The following TMEM63C variants were observed in gnomAD, a reference collection of about 807,000 sequenced individuals.
The protein encoded by TMEM63C is transmembrane protein 63C, also known as osmosensitive cation channel TMEM63C.
In TMEM63C, 32 loss-of-function variants were observed where a neutral mutation model predicts 99.2. The observed-to-expected ratio is 0.32, with a 90% CI of 0.24 to 0.43. The LOEUF is 0.43. Among genes scored for constraint, TMEM63C ranks in the 20% least tolerant of loss-of-function variants. The pLI is 1.00. For missense variants in TMEM63C, 826 were observed against 1,053.0 expected (o/e 0.78, Z 2.98); for synonymous variants, 376 against 397.9 (o/e 0.94, Z 0.66).
At chr14:77,253,903 C>G (rs1462024380) in intron 23 of TMEM63C, among the ~76,000 whole-genome samples, 1 of 152,128 alleles carries the variant, frequency 6.6e-6, no homozygotes, top group Admixed American at 6.5e-5. Flanking sequence ...CACAGTGGCT[C>G]GGCCTGAAGG....
At chr14:77,204,673 C>T (rs1470284551) in intron 1 of TMEM63C, among the ~76,000 whole-genome samples, 3 of 152,152 alleles carry the variant, frequency 2.0e-5, no homozygotes, top group African/African-American at 2.4e-5. Flanking sequence ...TAAACAACAT[C>T]GAATGTACTA....
In TMEM63C at chr14:77,185,221, G is replaced by A. The variant is rs545491409; in HGVS notation, c.-77+3327G>A. Among the ~76,000 whole-genome samples the A allele has an allele frequency of 1.6e-4, 25 of 152,304 alleles. No individual in the cohort carries two copies. In the East Asian group the frequency reaches 4.6e-3, roughly 28 times the overall value. The stretch of plus-strand genomic sequence containing the variant: ...TTTGACACGAGCACCCTCAAGATGA[G>A]ATGGGAAGAGCTGGGCTGGAGGTGA... On this transcript the variant is annotated intron_variant, in intron 1 of 23. Transcript: ENST00000298351.
At chr14:77,246,570 G>T in intron 17 of TMEM63C, 39 bp from the exon 18 acceptor site, 1 of 1,584,248 alleles carries the variant, frequency 6.3e-7, no homozygotes, top group Non-Finnish European at 8.6e-7. Context: ...TAGCTCATAG[G>T]TTTGCTAACT....
chr14:77,218,243 G>T (rs1888625289), intron 2 of TMEM63C, among the ~76,000 whole-genome samples: 1 of 149,274 alleles, frequency 6.7e-6, no homozygotes, highest in African/African-American at 2.4e-5. Context: ...AAAAAAAAGA[G>T]GGGGGTGTTT....
chr14:77,243,184 G>C, intron 15 of TMEM63C, 128 bp downstream of exon 15: 1 of 1,136,870 alleles, frequency 8.8e-7, no homozygotes, highest in African/African-American at 1.6e-5. Context: ...CATTGTGGAG[G>C]TGGCCATGGT....
chr14:77,242,770 G>T (rs1003106200), intron 14 of TMEM63C, 133 bp from the exon 15 acceptor site: 1 of 1,066,988 alleles, frequency 9.4e-7, no homozygotes, highest in South Asian at 1.4e-5. Context: ...GGGTCCTGTT[G>T]CATGCAAGTC....
intron 2 of TMEM63C, among the ~76,000 whole-genome samples, chr14:77,214,421 G>A (rs74470209): frequency 0.013 from 1,978 of 152,058 alleles, 43 homozygotes; most frequent in African/African-American, 0.046. Context: ...CTCACCCTCC[G>A]ACTGGGAGAC....
chr14:77,183,271 G>T (rs951800334), intron 1 of TMEM63C, among the ~76,000 whole-genome samples: 1 of 152,210 alleles, frequency 6.6e-6, no homozygotes, highest in Non-Finnish European at 1.5e-5. Flanking sequence ...GCCTCTTCCT[G>T]TCTTCTCTTC....
chr14:77,236,611 T>G lies in TMEM63C; in HGVS notation c.543-13T>G. ...ACAGGCTGACCTCACTGCTGCTGCC[T>G]CCCTCCCTGCAGGAGCAAGCTCCTG... On this transcript the variant is annotated splice_polypyrimidine_tract_variant and intron_variant, in intron 8 of 23. Transcript: ENST00000298351. The G allele has an allele frequency of 6.3e-7, 1 of 1,594,332 alleles. No homozygotes were observed. The highest frequency in any genetic ancestry group is 8.6e-7 in the Non-Finnish European group (1 of 1,163,584).
intron 16 of TMEM63C, among the ~76,000 whole-genome samples, chr14:77,245,511 G>C (rs1233943217): frequency 2.6e-5 from 4 of 152,212 alleles, no homozygotes; most frequent in Non-Finnish European, 5.9e-5. Context: ...GCACTCTGCT[G>C]ATAAAGACAT....
chr14:77,203,591 G>A (rs1888340792), intron 1 of TMEM63C, among the ~76,000 whole-genome samples: 1 of 152,116 alleles, frequency 6.6e-6, no homozygotes, highest in South Asian at 2.1e-4. Context: ...TCTTTATTCT[G>A]GCTACTTTCA....
intron 23 of TMEM63C, 109 bp downstream of exon 23, chr14:77,253,485 G>A (rs1274656738): frequency 1.8e-6 from 2 of 1,139,054 alleles, no homozygotes; most frequent in Middle Eastern, 2.4e-4. Flanking sequence ...TGGGTATGGG[G>A]AAGGAGATGG....
intron 2 of TMEM63C, among the ~76,000 whole-genome samples, chr14:77,213,856 T>C (rs1310428634): frequency 6.6e-6 from 1 of 152,174 alleles, no homozygotes; most frequent in East Asian, 1.9e-4. Context: ...CAGAGCTCGA[T>C]GGAGCAGGAA....
intron 7 of TMEM63C, 28 bp from the exon 8 acceptor site, chr14:77,233,424 C>T (rs200481294): frequency 3.2e-4 from 513 of 1,610,366 alleles, no homozygotes; most frequent in Non-Finnish European, 3.2e-4. Context: ...GAGCCAGGCT[C>T]GAGGTCAGCA....
rs374419139 is a variant in TMEM63C at position 77,239,519 on chromosome 14, G to T, written c.806+27G>T. Reference sequence around the variant, plus strand: ...TGAGGCTGCAGCGGGGCCTTTTGGGGCCCGGGGTGGGGGTAAAAGGGGAGG... The same window carrying T: ...TGAGGCTGCAGCGGGGCCTTTTGGGTCCCGGGGTGGGGGTAAAAGGGGAGG... On this transcript the variant is annotated intron_variant, in intron 11 of 23. Transcript: ENST00000298351. The T allele has an allele frequency of 2.8e-5, 45 of 1,612,676 alleles. No homozygotes were observed. In the African/African-American group the frequency reaches 4.1e-4, roughly 15 times the overall value.
chr14:77,237,337 G>A (rs1468774440), intron 9 of TMEM63C, among the ~76,000 whole-genome samples: 1 of 152,022 alleles, frequency 6.6e-6, no homozygotes, highest in Non-Finnish European at 1.5e-5. Flanking sequence ...AGAGACCCCC[G>A]TGTATCCCCA....
intron 6 of TMEM63C, among the ~76,000 whole-genome samples, chr14:77,226,724 T>C (rs958439022): frequency 1.3e-5 from 2 of 149,400 alleles, no homozygotes; most frequent in Non-Finnish European, 3.0e-5. Context: ...ATGGTAAGTG[T>C]GGCGGGGGAG....
intron 6 of TMEM63C, among the ~76,000 whole-genome samples, chr14:77,228,400 C>G (rs994827669): frequency 2.0e-5 from 3 of 152,212 alleles, no homozygotes; most frequent in Middle Eastern, 3.4e-3. Context: ...CATTCCACTT[C>G]TGGCATTTCA....
At chr14:77,189,393 C>T (rs1380522226) in intron 1 of TMEM63C, among the ~76,000 whole-genome samples, 1 of 151,958 alleles carries the variant, frequency 6.6e-6, no homozygotes, top group East Asian at 1.9e-4. Context: ...GCTGGGATTA[C>T]AGGTGTGAGC....
Sources: allele counts gnomAD v4.1 joint callset (sites outside exome capture counted in the v4.1 genomes callset), GRCh38; gene constraint gnomAD v4.1.1; transcripts MANE v1.5; gene names NCBI Gene and HGNC (gene_info 2026-07-23, HGNC 2026-07-21).